SGCZ: variants seen among roughly 807,000 people sequenced by gnomAD.
SGCZ encodes the protein sarcoglycan zeta, also known as zeta-sarcoglycan.
SGCZ carries 40 observed loss-of-function variants against 41.3 expected under a neutral mutation model. That is an observed-to-expected ratio of 0.97 (90% CI 0.75 to 1.26). The LOEUF (loss-of-function observed/expected upper bound fraction) is 1.26. Ranked by LOEUF, SGCZ falls within the 50% of genes most tolerant of loss-of-function variation. SGCZ has a pLI of 0.00. For synonymous variants in SGCZ, 206 were observed against 137.5 expected (o/e 1.50, Z -3.49); for missense variants, 552 against 369.8 (o/e 1.49, Z -4.04).
intron 2 of SGCZ, among the ~76,000 whole-genome samples, chr8:14,379,013 A>G (rs1804255437): frequency 6.6e-6 from 1 of 152,206 alleles, no homozygotes; most frequent in Non-Finnish European, 1.5e-5. Context: ...GTTGATCATT[A>G]TCCCAGAATC....
chr8:14,294,580 G>T (rs571199912), intron 3 of SGCZ, among the ~76,000 whole-genome samples: 1 of 151,972 alleles, frequency 6.6e-6, no homozygotes, highest in Non-Finnish European at 1.5e-5. Context: ...CTTTAAGATT[G>T]TTAGGGATGC....
At chr8:15,076,381 G>C (rs1334564817) in intron 1 of SGCZ, among the ~76,000 whole-genome samples, 5 of 152,214 alleles carry the variant, frequency 3.3e-5, no homozygotes, top group Non-Finnish European at 7.4e-5. Flanking sequence ...GGATGGGAGA[G>C]AGAAAAGGAG....
At chr8:14,834,166 A>T (rs73535031) in intron 1 of SGCZ, among the ~76,000 whole-genome samples, 18,537 of 152,146 alleles carry the variant, frequency 0.12, 1,938 homozygotes, top group African/African-American at 0.28. Flanking sequence ...GTATTTTGTA[A>T]TTGATTTTTT....
At chr8:14,951,784 T>C (rs77519024) in intron 1 of SGCZ, among the ~76,000 whole-genome samples, 41 of 152,188 alleles carry the variant, frequency 2.7e-4, no homozygotes, top group Non-Finnish European at 5.3e-4. Flanking sequence ...ATCTTTGTGA[T>C]CAGATCAATG....
At chr8:14,759,717 G>C (rs1201213549) in intron 1 of SGCZ, among the ~76,000 whole-genome samples, 1 of 152,134 alleles carries the variant, frequency 6.6e-6, no homozygotes, top group Non-Finnish European at 1.5e-5. Context: ...TTGGACCAGA[G>C]TTAGCCAGTT....
intron 1 of SGCZ, among the ~76,000 whole-genome samples, chr8:14,808,686 T>C (rs1367319297): frequency 6.6e-6 from 1 of 152,024 alleles, no homozygotes; most frequent in African/African-American, 2.4e-5. Context: ...TCCTCAGGGA[T>C]CTAGAACTAG....
intron 7 of SGCZ, among the ~76,000 whole-genome samples, chr8:14,094,919 C>A (rs1331782831): frequency 6.6e-6 from 1 of 152,112 alleles, no homozygotes; most frequent in Non-Finnish European, 1.5e-5. Context: ...TGTTTGTTGG[C>A]TGCATAAATA....
At chr8:15,127,942 C>G (rs181598133) in intron 1 of SGCZ, among the ~76,000 whole-genome samples, 2 of 152,180 alleles carry the variant, frequency 1.3e-5, no homozygotes, top group Admixed American at 1.3e-4. Flanking sequence ...TATGCTTTCC[C>G]CATATGAGAC....
intron 5 of SGCZ, among the ~76,000 whole-genome samples, chr8:14,134,492 G>T (rs992701595): frequency 6.6e-6 from 1 of 152,130 alleles, no homozygotes; most frequent in African/African-American, 2.4e-5. Flanking sequence ...AATTAACTGT[G>T]CCTGTAATTT....
At chr8:14,351,660 G>C (rs1458893483) in intron 2 of SGCZ, among the ~76,000 whole-genome samples, 1 of 151,730 alleles carries the variant, frequency 6.6e-6, no homozygotes, top group East Asian at 1.9e-4. Context: ...TACAAAGATA[G>C]ATGATAACAC....
At chr8:14,382,679 G>C (rs549822179) in intron 2 of SGCZ, among the ~76,000 whole-genome samples, 13 of 152,184 alleles carry the variant, frequency 8.5e-5, no homozygotes, top group African/African-American at 3.1e-4. Context: ...TAAGTGCTCA[G>C]AACATCAAGA....
chr8:14,940,392 A>T (rs879529734), intron 1 of SGCZ, among the ~76,000 whole-genome samples: 14 of 152,300 alleles, frequency 9.2e-5, no homozygotes, highest in Admixed American at 3.9e-4. Context: ...AGACTTACTT[A>T]TATAAGTTTA....
At chr8:14,095,474 G>C (rs1394836118) in intron 7 of SGCZ, among the ~76,000 whole-genome samples, 2 of 150,618 alleles carry the variant, frequency 1.3e-5, no homozygotes, top group African/African-American at 4.9e-5. Flanking sequence ...TTCTGTTTTG[G>C]TACCAGTACC....
At chr8:14,710,554 C>G (rs1809483935) in intron 1 of SGCZ, among the ~76,000 whole-genome samples, 1 of 151,900 alleles carries the variant, frequency 6.6e-6, no homozygotes. Flanking sequence ...TCACTGTCTA[C>G]GTGAGTTAAT....
intron 3 of SGCZ, among the ~76,000 whole-genome samples, chr8:14,320,332 G>T (rs1801875731): frequency 6.6e-6 from 1 of 151,766 alleles, no homozygotes; most frequent in South Asian, 2.1e-4. Flanking sequence ...GACCAGATTT[G>T]CCGTGTTACC....
intron 2 of SGCZ, among the ~76,000 whole-genome samples, chr8:14,529,464 C>T (rs1231641137): frequency 6.6e-6 from 1 of 152,136 alleles, no homozygotes; most frequent in Non-Finnish European, 1.5e-5. Flanking sequence ...CCCCATGAAG[C>T]TTTCTTTGCA....
At chr8:14,204,712 G>A (rs1036701133) in intron 4 of SGCZ, among the ~76,000 whole-genome samples, 4 of 152,114 alleles carry the variant, frequency 2.6e-5, no homozygotes, top group Non-Finnish European at 5.9e-5. Flanking sequence ...AGGAAAACCA[G>A]ATCCTTTATT....
At chr8:14,455,452 GCATACACACACACA>G (rs1022641726) in intron 2 of SGCZ, among the ~76,000 whole-genome samples, 2 of 102,300 alleles carry the variant, frequency 2.0e-5, no homozygotes, top group African/African-American at 8.3e-5. Context: ...ACATTTGCAT[GCATACACACACACA>G]CACACACACA....
chr8:14,648,993 T>C (rs370464670), intron 1 of SGCZ, among the ~76,000 whole-genome samples: 9 of 152,182 alleles, frequency 5.9e-5, no homozygotes, highest in East Asian at 3.9e-4. Flanking sequence ...TTATACTTTT[T>C]CCCCCAACAG....
Sources: gnomAD v4.1 joint callset for allele counts (sites outside exome capture counted in the v4.1 genomes callset) on GRCh38, gnomAD v4.1.1 for gene constraint, MANE v1.5 for transcripts, NCBI Gene and HGNC (gene_info 2026-07-23, HGNC 2026-07-21) for gene names.